Variants in TBXAS1 observed in about 807,000 individuals in gnomAD.
The protein encoded by TBXAS1 is thromboxane A synthase 1.
Under a neutral mutation model 60.7 loss-of-function variants are expected in TBXAS1, and 48 were observed. The ratio of observed to expected loss-of-function variants is 0.79; its 90% confidence interval spans 0.63 to 1.01. The LOEUF (loss-of-function observed/expected upper bound fraction) is 1.01, where lower values mean the gene tolerates loss of function less well. TBXAS1 is among the 50% of genes least tolerant of loss of function. The probability of loss-of-function intolerance (pLI) is 0.00; values close to 1 mark genes in which losing one functional copy is unlikely to be tolerated. For missense variants in TBXAS1, 685 were observed against 686.3 expected, an observed-to-expected ratio of 1.00 and a Z score of 0.02; for synonymous variants, 287 against 269.7, an observed-to-expected ratio of 1.06 and a Z score of -0.63.
chr7:139,810,540 T>G (rs1033185761), intron 4 of TBXAS1, among the ~76,000 whole-genome samples: 7 of 152,200 alleles, frequency 4.6e-5, no homozygotes, highest in African/African-American at 7.2e-5. Context: ...TTAAACAGGA[T>G]GCTTGTCATT....
At chr7:139,904,989 CTCTTTCTCTCTT>C (rs1315345101) in intron 3 of TBXAS1, among the ~76,000 whole-genome samples, 1 of 128,718 alleles carries the variant, frequency 7.8e-6, no homozygotes, top group Non-Finnish European at 1.6e-5. Flanking sequence ...TTCTCTTTCT[CTCTTTCTCTCTT>C]TCTCTCTTTC....
At chr7:139,927,938 T>A (rs574750718) in intron 4 of TBXAS1, among the ~76,000 whole-genome samples, 1 of 152,328 alleles carries the variant, frequency 6.6e-6, no homozygotes, top group East Asian at 1.9e-4. Flanking sequence ...TAGACAATCA[T>A]GCCATCTACA....
chr7:139,996,989 G>C (rs1016963603), intron 9 of TBXAS1, among the ~76,000 whole-genome samples: 18 of 152,140 alleles, frequency 1.2e-4, no homozygotes, highest in African/African-American at 4.3e-4. Flanking sequence ...TTCTACCTCA[G>C]CCATCCTACA....
chr7:139,887,445 G>A (rs1219485814), intron 3 of TBXAS1, among the ~76,000 whole-genome samples: 1 of 151,802 alleles, frequency 6.6e-6, no homozygotes, highest in African/African-American at 2.4e-5. Context: ...CCTCCCCCAG[G>A]CCCTGACAAC....
At chr7:139,989,960 C>T (rs1812768708) in intron 9 of TBXAS1, among the ~76,000 whole-genome samples, 1 of 152,212 alleles carries the variant, frequency 6.6e-6, no homozygotes. Flanking sequence ...GCTTTTCACT[C>T]CCTTAACACT....
upstream of TBXAS1, among the ~76,000 whole-genome samples, chr7:139,828,264 AATTCT>A (rs1798502737): frequency 6.6e-6 from 1 of 151,934 alleles, no homozygotes. Context: ...CTACTTGTTC[AATTCT>A]ATTGCTGAGA....
chr7:139,907,474 T>C (rs897380151), intron 3 of TBXAS1, among the ~76,000 whole-genome samples: 1 of 152,174 alleles, frequency 6.6e-6, no homozygotes, highest in African/African-American at 2.4e-5. Flanking sequence ...GTCTATACTT[T>C]TCTTGTAGTA....
intron 4 of TBXAS1, among the ~76,000 whole-genome samples, chr7:139,801,038 A>G (rs1334156493): frequency 6.6e-6 from 1 of 152,262 alleles, no homozygotes; most frequent in Non-Finnish European, 1.5e-5. Flanking sequence ...AGACAGTTTT[A>G]AAAATAATGC....
intron 10 of TBXAS1, among the ~76,000 whole-genome samples, chr7:140,010,182 G>A (rs1489084587): frequency 6.6e-6 from 1 of 152,036 alleles, no homozygotes; most frequent in African/African-American, 2.4e-5. Flanking sequence ...CACCAGATAT[G>A]AGAGAGACAA....
chr7:139,865,453 G>A (rs184208250), intron 1 of TBXAS1, among the ~76,000 whole-genome samples: 16 of 152,200 alleles, frequency 1.1e-4, no homozygotes, highest in Non-Finnish European at 1.5e-4. Flanking sequence ...AGATATGTGC[G>A]TGGAGTCAGC....
chr7:139,930,409 C>A (rs1417873445), intron 4 of TBXAS1, among the ~76,000 whole-genome samples: 1 of 152,176 alleles, frequency 6.6e-6, no homozygotes, highest in Non-Finnish European at 1.5e-5. Context: ...AGCCTCACAA[C>A]TATCCTAAGA....
rs1174153735 is a variant in TBXAS1 at position 140,013,871 on chromosome 7, C to T, written c.1227-1852C>T. On this transcript the variant is annotated intron_variant, in intron 10 of 12. Transcript: ENST00000448866. This position sits in a 1 kb window ranked among gnomAD's most constrained non-coding sequence, Gnocchi z 4.2. ...CTAAACTACCTCTCACTGTGCATCG[C>T]AAGTCACTGCCCATCTTCCTGGCTT... is the stretch of plus-strand genomic sequence containing the variant. Among the ~76,000 whole-genome samples the T allele has an allele frequency of 6.6e-6, 1 of 152,244 alleles. No individual in the cohort carries two copies. The highest frequency in any genetic ancestry group is 1.5e-5 in the Non-Finnish European group (1 of 68,042).
At chr7:139,954,131 T>C (rs1441986262) in intron 6 of TBXAS1, among the ~76,000 whole-genome samples, 3 of 152,226 alleles carry the variant, frequency 2.0e-5, no homozygotes, top group African/African-American at 7.2e-5. Context: ...CACCTTTGCT[T>C]TAGTCATTTT....
intron 5 of TBXAS1, among the ~76,000 whole-genome samples, chr7:139,948,675 T>C (rs972214017): frequency 6.6e-6 from 1 of 152,198 alleles, no homozygotes; most frequent in Non-Finnish European, 1.5e-5. Flanking sequence ...AAGATCTGAG[T>C]GAGAATAGCA....
chr7:139,915,066 A>G (rs1421634744), intron 4 of TBXAS1, among the ~76,000 whole-genome samples: 3 of 152,170 alleles, frequency 2.0e-5, no homozygotes, highest in Non-Finnish European at 1.5e-5. Flanking sequence ...AGGAAATCCC[A>G]GTGTTTATAG....
In TBXAS1 at chr7:139,911,970, C is replaced by A. The variant is rs145726280; in HGVS notation, c.333+649C>A. ...ATCAGGCCAGGCACAGTGGCTCATA[C>A]CTGTAGTCCCCACACTTTGGGAGGC... On this transcript the variant is annotated intron_variant, in intron 4 of 12. Coordinates refer to ENST00000448866, the MANE Select transcript of TBXAS1 (RefSeq NM_001061.7). 1.1e-3 allele frequency among the ~76,000 whole-genome samples: 164 copies of A among 152,302 alleles called. 1 individual carries two copies. Among genetic ancestry groups the A allele is most frequent in the African/African-American group, 3.7e-3 (155 of 41,560 alleles).
chr7:139,988,563 G>T (rs1812669721), intron 9 of TBXAS1, among the ~76,000 whole-genome samples: 1 of 152,162 alleles, frequency 6.6e-6, no homozygotes, highest in African/African-American at 2.4e-5. Flanking sequence ...CCTGAGGGCT[G>T]TTTCTCTTCC....
intron 2 of TBXAS1, among the ~76,000 whole-genome samples, chr7:139,873,681 A>G (rs1584736035): frequency 6.6e-6 from 1 of 152,200 alleles, no homozygotes. Flanking sequence ...GGGATTTGCC[A>G]GAGTGACATG....
At chr7:140,016,581 C>G (rs931548511) in intron 11 of TBXAS1, 3 of 166,166 alleles carry the variant, frequency 1.8e-5, no homozygotes, top group African/African-American at 7.2e-5. Context: ...AAAACAACAG[C>G]TTCAGCTGAT....
Sources: allele counts gnomAD v4.1 joint callset (sites outside exome capture counted in the v4.1 genomes callset), GRCh38; gene constraint gnomAD v4.1.1; non-coding constraint Gnocchi (gnomAD v3.1); transcripts MANE v1.5; gene names NCBI Gene and HGNC (gene_info 2026-07-23, HGNC 2026-07-21).